Variants in MARCHF1 observed in about 807,000 individuals in gnomAD.
MARCHF1 encodes the protein E3 ubiquitin-protein ligase MARCHF1.
In MARCHF1, 40 loss-of-function variants were observed where a neutral mutation model predicts 54.2. The ratio of observed to expected loss-of-function variants is 0.74; its 90% confidence interval spans 0.57 to 0.96. The LOEUF is 0.96. MARCHF1 is among the 40% of genes least tolerant of loss of function. MARCHF1 has a pLI of 0.00. For synonymous variants in MARCHF1, 236 were observed against 236.3 expected (o/e 1.00, Z 0.01); for missense variants, 586 against 656.5 (o/e 0.89, Z 1.17).
At chr4:164,260,000 T>C (rs981808534) in intron 1 of MARCHF1, among the ~76,000 whole-genome samples, 2 of 152,186 alleles carry the variant, frequency 1.3e-5, no homozygotes, top group Non-Finnish European at 2.9e-5. Flanking sequence ...AGAACATTGA[T>C]AGTTTTCATA....
At chr4:164,233,436 C>T (rs535066067) in intron 1 of MARCHF1, among the ~76,000 whole-genome samples, 20 of 152,246 alleles carry the variant, frequency 1.3e-4, no homozygotes, top group African/African-American at 4.6e-4. Context: ...TAAGATATTG[C>T]CACTGACTAA....
At chr4:164,221,189 A>G (rs1732100915) in intron 1 of MARCHF1, among the ~76,000 whole-genome samples, 1 of 152,092 alleles carries the variant, frequency 6.6e-6, no homozygotes, top group Admixed American at 6.6e-5. Context: ...TCACTTCTAC[A>G]GTGAAACCAT....
chr4:163,905,305 A>G (rs1435026993), intron 3 of MARCHF1, among the ~76,000 whole-genome samples: 1 of 152,088 alleles, frequency 6.6e-6, no homozygotes, highest in East Asian at 1.9e-4. Flanking sequence ...AGTGCCCAAT[A>G]TGAACATTCA....
At chr4:163,654,896 G>T (rs1023615026) in intron 5 of MARCHF1, among the ~76,000 whole-genome samples, 2 of 151,402 alleles carry the variant, frequency 1.3e-5, no homozygotes, top group East Asian at 3.9e-4. Flanking sequence ...TAGTCATATA[G>T]ATCTCTATTT....
At position 163,524,881 on chromosome 4, in the gene MARCHF1, A is replaced by G. The variant is rs570805662; in HGVS notation, c.*3867T>C. On this transcript the variant is annotated 3_prime_UTR_variant, in exon 10 of 10. Transcript: ENST00000514618. Reference sequence around the variant, plus strand: ...AAATGCCTAATTTCAAAAACTGCACACAGTTAAAATAATTTTTCCTTCTTT... The same window carrying G: ...AAATGCCTAATTTCAAAAACTGCACGCAGTTAAAATAATTTTTCCTTCTTT... 1 of 152,310 alleles carries G rather than the reference A, an allele frequency of 6.6e-6. No individual in the cohort carries two copies. The highest frequency in any genetic ancestry group is 1.9e-4 in the East Asian group (1 of 5,186). The allele number at this position is 152,310 out of a possible 1,614,324, so 9.4% of individuals were successfully genotyped here. A position where few individuals can be genotyped will look rare whatever the true frequency, so the allele number is the denominator to read the frequency against.
chr4:164,189,075 T>A, intron 1 of MARCHF1: 2 of 687,722 alleles, frequency 2.9e-6, no homozygotes, highest in Non-Finnish European at 5.3e-6. Flanking sequence ...TCAATGCGTC[T>A]CCTCTCACCA....
At chr4:164,046,852 T>C (rs1754254022) in intron 2 of MARCHF1, among the ~76,000 whole-genome samples, 1 of 152,116 alleles carries the variant, frequency 6.6e-6, no homozygotes, top group Non-Finnish European at 1.5e-5. Context: ...GGAAAAAGGA[T>C]TACTTCCAAA....
chr4:164,067,598 T>G (rs547216383), intron 2 of MARCHF1, among the ~76,000 whole-genome samples: 1 of 152,270 alleles, frequency 6.6e-6, no homozygotes, highest in South Asian at 2.1e-4. Context: ...GATTAAAGAT[T>G]TAAATGTAAG....
At chr4:164,286,474 T>G (rs1273079719) in intron 1 of MARCHF1, among the ~76,000 whole-genome samples, 1 of 152,072 alleles carries the variant, frequency 6.6e-6, no homozygotes. Context: ...TTCATTCTAA[T>G]TATTTTCACA....
chr4:163,944,787 T>C (rs1751992410), intron 3 of MARCHF1, among the ~76,000 whole-genome samples: 1 of 152,156 alleles, frequency 6.6e-6, no homozygotes, highest in Non-Finnish European at 1.5e-5. Flanking sequence ...AGAAATCCAA[T>C]TTTCTACGCT....
At chr4:163,624,122 TA>T (rs764837222) in intron 5 of MARCHF1, among the ~76,000 whole-genome samples, 15 of 152,258 alleles carry the variant, frequency 9.9e-5, no homozygotes, top group Non-Finnish European at 2.1e-4. Context: ...ATGGTAATTG[TA>T]AGGCTATGCA....
chr4:163,646,303 G>T (rs1002181609), intron 5 of MARCHF1, among the ~76,000 whole-genome samples: 4 of 151,848 alleles, frequency 2.6e-5, no homozygotes, highest in African/African-American at 9.7e-5. Flanking sequence ...CTCTCCTTCA[G>T]AAATGAAGGA....
intron 8 of MARCHF1, among the ~76,000 whole-genome samples, chr4:163,570,273 T>C (rs116204014): frequency 0.015 from 2,281 of 152,160 alleles, 54 homozygotes; most frequent in African/African-American, 0.047. Flanking sequence ...AAATACTGAT[T>C]TGGTAAGAAC....
At chr4:163,541,354 ATTG>A (rs538578715) in intron 9 of MARCHF1, among the ~76,000 whole-genome samples, 1 of 152,194 alleles carries the variant, frequency 6.6e-6, no homozygotes, top group Admixed American at 6.5e-5. Context: ...AATATTGTAA[ATTG>A]TTGTAGTTGT....
At chr4:164,066,263 C>T (rs918224383) in intron 2 of MARCHF1, among the ~76,000 whole-genome samples, 1 of 152,048 alleles carries the variant, frequency 6.6e-6, no homozygotes, top group Non-Finnish European at 1.5e-5. Flanking sequence ...CGAGCACACA[C>T]AAAAAAATTC....
intron 4 of MARCHF1, among the ~76,000 whole-genome samples, chr4:163,773,004 T>C (rs1747204323): frequency 6.6e-6 from 1 of 152,174 alleles, no homozygotes; most frequent in Non-Finnish European, 1.5e-5. Flanking sequence ...TTTAGTTTGC[T>C]GAAAATAAAT....
intron 1 of MARCHF1, among the ~76,000 whole-genome samples, chr4:164,114,076 G>A (rs1047017214): frequency 3.3e-5 from 5 of 151,922 alleles, no homozygotes; most frequent in South Asian, 2.1e-4. Flanking sequence ...TTTGTGAATC[G>A]AAAATCAGTG....
At chr4:164,366,180 C>T (rs574588435) in intron 1 of MARCHF1, among the ~76,000 whole-genome samples, 1 of 152,024 alleles carries the variant, frequency 6.6e-6, no homozygotes. Context: ...CCTTCCAATA[C>T]AAGTTTCGCA....
chr4:163,966,112 A>G (rs1043387152), intron 3 of MARCHF1, among the ~76,000 whole-genome samples: 11 of 152,120 alleles, frequency 7.2e-5, no homozygotes, highest in Admixed American at 2.6e-4. Flanking sequence ...GAGGTTATTA[A>G]TATTTCAATT....
Sources: allele counts gnomAD v4.1 joint callset (sites outside exome capture counted in the v4.1 genomes callset), GRCh38; gene constraint gnomAD v4.1.1; transcripts MANE v1.5; gene names NCBI Gene and HGNC (gene_info 2026-07-23, HGNC 2026-07-21).